Variants in STK31 observed in about 807,000 individuals in gnomAD.
The protein encoded by STK31 is serine/threonine kinase 31, also known as serine/threonine-protein kinase 31.
In STK31, 89 loss-of-function variants were observed where a neutral mutation model predicts 129.7. The ratio of observed to expected loss-of-function variants is 0.69; its 90% CI spans 0.58 to 0.82. The LOEUF (loss-of-function observed/expected upper bound fraction) is 0.82. Ranked by LOEUF, STK31 falls within the 40% of genes least tolerant of loss-of-function variation. The pLI is 0.00. For missense variants in STK31, 1,187 were observed against 1,176.4 expected (o/e 1.01, Z -0.13); for synonymous variants, 448 against 395.3 (o/e 1.13, Z -1.58).
chr7:23,724,983 G>A (rs1786964920), intron 4 of STK31, among the ~76,000 whole-genome samples: 1 of 152,158 alleles, frequency 6.6e-6, no homozygotes, highest in Non-Finnish European at 1.5e-5. Context: ...ATAACTTAAA[G>A]CAGTATTCTT....
chr7:23,796,774 AT>A (rs1282317208), intron 22 of STK31, among the ~76,000 whole-genome samples: 1 of 152,204 alleles, frequency 6.6e-6, no homozygotes, highest in Admixed American at 6.5e-5. Flanking sequence ...TGAACCTTAA[AT>A]GTAAATGGGC....
intron 20 of STK31, 124 bp downstream of exon 20, chr7:23,787,048 C>G: frequency 1.2e-6 from 1 of 837,880 alleles, no homozygotes; most frequent in Admixed American, 2.4e-5. Context: ...TTCTATTTGT[C>G]ACCTCAAGCC....
intron 9 of STK31, among the ~76,000 whole-genome samples, chr7:23,754,037 A>T (rs1788894163): frequency 6.6e-6 from 1 of 152,156 alleles, no homozygotes. Flanking sequence ...ATAGTTTAAA[A>T]AATTTTTAAT....
In STK31 at chr7:23,786,841, G is replaced by A. The variant is rs1193147377; in HGVS notation, c.2404G>A (p.Asp802Asn). ...CATTCTCTGTTTTGCTTCTTAGTCT[G>A]ATCCTATGGCTTATCTGATGGTCCC... ...PLIFLFLCKS[D>N]PMAYLMVPYY... is the part of the protein sequence containing the mutation. Residue 802 changes from aspartate (D) to asparagine (N), a missense_variant, in exon 20 of 24, where the codon GAT (aspartate) becomes AAT (asparagine). This residue lies in a region of STK31 where 975 missense variants were observed against 934.9 expected (regional missense o/e 1.04). Transcript: ENST00000355870. The A allele has an allele frequency of 3.1e-6, 5 of 1,612,982 alleles. No individual in the cohort carries two copies. Among genetic ancestry groups the A allele is most frequent in the Non-Finnish European group, 4.2e-6 (5 of 1,179,682 alleles).
chr7:23,805,081 CTT>C (rs66605281), intron 22 of STK31, among the ~76,000 whole-genome samples: 6 of 148,228 alleles, frequency 4.0e-5, no homozygotes, highest in African/African-American at 7.4e-5. Context: ...CTCTCTCTCT[CTT>C]TTTTTTTTTT....
intron 17 of STK31, among the ~76,000 whole-genome samples, chr7:23,783,966 G>C (rs900929135): frequency 2.0e-5 from 3 of 152,126 alleles, no homozygotes; most frequent in Non-Finnish European, 4.4e-5. Flanking sequence ...AATTTTAACT[G>C]CTATTTCAAG....
Position 23,788,063 on chromosome 7 carries a change from G to T in STK31, c.2571G>T (p.Gln857His). 6.2e-7 allele frequency: 1 copy of T among 1,612,778 alleles called. No individual in the cohort carries two copies. The highest frequency in any genetic ancestry group is 8.5e-7 in the Non-Finnish European group (1 of 1,179,376). ...KADIIHGSLHQNNVFALNREQ... is the reference protein window; with the variant it reads ...KADIIHGSLHHNNVFALNREQ... Reference sequence around the variant, plus strand: ...ACATAATTCATGGATCACTTCATCAGAACAATGTATTTGCTTTAAACCGTG... The same window carrying T: ...ACATAATTCATGGATCACTTCATCATAACAATGTATTTGCTTTAAACCGTG... Residue 857 changes from glutamine to histidine, a missense_variant, in exon 21 of 24, where the codon CAG becomes CAT. Gln to His is a conservative substitution (Grantham distance 24). This residue lies in a region of STK31 where 975 missense variants were observed against 934.9 expected (regional missense o/e 1.04). Transcript: ENST00000355870.
chr7:23,710,233 C>T lies in STK31; in HGVS notation c.-53C>T. The T allele has an allele frequency of 1.9e-6, 3 of 1,590,284 alleles. No homozygotes were observed. The highest frequency in any genetic ancestry group is 1.7e-6 in the Non-Finnish European group (2 of 1,166,844). ...GTGGGGCCCTTGCGGTCGAAGCTCA[C>T]GCGGTAAGCCGCTGCACGTGTGCTA... On this transcript the variant is annotated 5_prime_UTR_variant, in exon 1 of 24. The change creates a new upstream start codon in the 5' untranslated region. Coordinates refer to ENST00000355870, the MANE Select transcript of STK31 (RefSeq NM_031414.5).
chr7:23,832,493 G>C lies in STK31; in HGVS notation c.*127G>C, dbSNP rs1794623196. ...TAGTATTCAGGTTGTGAAAAATAAA[G>C]ATGTTTGGCTATGCACAAAATAGTT... On this transcript the variant is annotated 3_prime_UTR_variant, in exon 24 of 24. Coordinates refer to ENST00000355870, the MANE Select transcript of STK31 (RefSeq NM_031414.5). 1.4e-6 allele frequency: 1 copy of C among 711,628 alleles called. No individual in the cohort carries two copies. The allele number at this position is 711,628 out of a possible 1,614,324, so 44.1% of individuals were successfully genotyped here.
At position 23,788,538 on chromosome 7, in the gene STK31, C is replaced by T. The variant is rs146052203; in HGVS notation, c.2637+409C>T. 3.4e-3 allele frequency among the ~76,000 whole-genome samples: 513 copies of T among 152,074 alleles called. 5 individuals carry two copies. The highest frequency in any genetic ancestry group is 4.5e-3 in the Non-Finnish European group (308 of 67,966). ...ATTAATAATGTGCATTTTTAGAAAC[C>T]GGGGAACCTTGGACTTTTTAGTTTA... On this transcript the variant is annotated intron_variant, in intron 21 of 23. Coordinates refer to ENST00000355870, the MANE Select transcript of STK31 (RefSeq NM_031414.5).
chr7:23,790,654 C>T (rs921061457), intron 21 of STK31, among the ~76,000 whole-genome samples, 170 bp from the exon 22 acceptor site: 9 of 152,066 alleles, frequency 5.9e-5, no homozygotes, highest in African/African-American at 2.2e-4. Flanking sequence ...ATTTATTAGA[C>T]TGATTTTAAG....
intron 8 of STK31, among the ~76,000 whole-genome samples, chr7:23,741,609 G>T (rs775564043): frequency 6.6e-6 from 1 of 152,126 alleles, no homozygotes; most frequent in Non-Finnish European, 1.5e-5. Context: ...CAGAGCAGGT[G>T]CCCCAGTCTC....
At chr7:23,803,960 G>T (rs1025948169) in intron 22 of STK31, among the ~76,000 whole-genome samples, 2 of 152,160 alleles carry the variant, frequency 1.3e-5, no homozygotes, top group African/African-American at 4.8e-5. Flanking sequence ...TTTTTAAAAA[G>T]TATAACAGTT....
intron 23 of STK31, among the ~76,000 whole-genome samples, chr7:23,822,029 T>G (rs1793814619): frequency 6.6e-6 from 1 of 152,202 alleles, no homozygotes; most frequent in African/African-American, 2.4e-5. Flanking sequence ...TAAAACGCTG[T>G]GTTGGTTACT....
At chr7:23,711,894 T>G (rs555085453) in intron 1 of STK31, among the ~76,000 whole-genome samples, 1 of 152,238 alleles carries the variant, frequency 6.6e-6, no homozygotes, top group South Asian at 2.1e-4. Context: ...GGATAGAGAT[T>G]ATATATGATA....
rs201723051 is a variant in STK31, at chr7:23,768,966, T to C, written c.1417-29T>C. 1.2e-3 allele frequency: 1,847 copies of C among 1,508,954 alleles called. 3 individuals are homozygous for C. Among genetic ancestry groups the C allele is most frequent in the Non-Finnish European group, 1.5e-3 (1,732 of 1,130,556 alleles). The allele number at this position is 1,508,954 out of a possible 1,614,324, so 93.5% of individuals were successfully genotyped here. On this transcript the variant is annotated intron_variant, in intron 11 of 23. Coordinates refer to ENST00000355870, the MANE Select transcript of STK31 (RefSeq NM_031414.5). ...CGAATCCTGAATTAGTTAATAAACTTTAATAAACAGAAGTATATCTCTCTG... is the reference window on the plus strand; with the variant it reads ...CGAATCCTGAATTAGTTAATAAACTCTAATAAACAGAAGTATATCTCTCTG...
intron 11 of STK31, among the ~76,000 whole-genome samples, chr7:23,764,179 A>T (rs1229872465): frequency 6.6e-6 from 1 of 152,220 alleles, no homozygotes; most frequent in African/African-American, 2.4e-5. Flanking sequence ...CTTGCATATA[A>T]AAGGGCAGTA....
At chr7:23,811,355 T>C in intron 22 of STK31, 1 of 385,416 alleles carries the variant, frequency 2.6e-6, no homozygotes, top group Non-Finnish European at 5.1e-6. Flanking sequence ...TTCTTCAAGT[T>C]TGCCTTTGAT....
chr7:23,800,129 TTGG>T (rs1250191197), intron 22 of STK31, among the ~76,000 whole-genome samples: 6 of 152,148 alleles, frequency 3.9e-5, no homozygotes, highest in Non-Finnish European at 5.9e-5. Flanking sequence ...CTTTACATTG[TTGG>T]TGGGAGTGTA....
Sources: gnomAD v4.1 joint callset for allele counts (sites outside exome capture counted in the v4.1 genomes callset) on GRCh38, gnomAD v4.1.1 for gene constraint, gnomAD v4.1.1 regional missense constraint, MANE v1.5 for transcripts, NCBI Gene and HGNC (gene_info 2026-07-23, HGNC 2026-07-21) for gene names.